The following CALR variants were observed in gnomAD, a reference collection of about 807,000 sequenced individuals.
The protein encoded by CALR is CRP55.
Under a neutral mutation model 51.1 loss-of-function variants are expected in CALR, and 15 were observed. The ratio of observed to expected loss-of-function variants is 0.29; its 90% confidence interval spans 0.20 to 0.45. The LOEUF (loss-of-function observed/expected upper bound fraction) is 0.45, where lower values mean the gene tolerates loss of function less well. CALR is among the 20% of genes least tolerant of loss of function. The probability of loss-of-function intolerance (pLI) is 1.00; values close to 1 mark genes in which losing one functional copy is unlikely to be tolerated. For synonymous variants in CALR, 239 were observed against 205.9 expected (o/e 1.16, Z -1.38); for missense variants, 477 against 530.6 (o/e 0.90, Z 0.99).
rs1971535802 is a variant in CALR at position 12,940,825 on chromosome 19, T to G, written c.898T>G (p.Ser300Ala). The G allele has an allele frequency of 6.2e-7, 1 of 1,614,030 alleles. No individual in the cohort carries two copies. The highest frequency in any genetic ancestry group is 8.5e-7 in the Non-Finnish European group (1 of 1,179,994). The change falls in exon 7 of 9, where the codon TCT becomes GCT. Residue 300 changes from serine (S) to alanine (A), a missense_variant. Ser to Ala is a moderately conservative substitution (Grantham distance 99, BLOSUM62 1). Transcript: ENST00000316448. The part of the protein sequence containing the change: ...IHPEIDNPEY[S>A]PDPSIYAYDN... The stretch of plus-strand genomic sequence containing the variant: ...CCCAGAAATTGACAACCCCGAGTAT[T>G]CTCCCGATCCCAGTATCTATGCCTA...
At position 12,940,575 on chromosome 19, in the gene CALR, A is replaced by C; in HGVS notation, c.737A>C (p.Asp246Ala). ...WDKPEHIPDP[D>A]AKKPEDWDEE... ...AAGCCCGAGCATATCCCTGACCCTG[A>C]TGCTAAGAAGCCCGAGGACTGGGAT... Residue 246 changes from aspartate (D) to alanine (A), a missense_variant, in exon 6 of 9, where the codon GAT becomes GCT. Asp to Ala is a moderately radical substitution (Grantham distance 126, BLOSUM62 -2). Transcript: ENST00000316448. The C allele has an allele frequency of 6.2e-7, 1 of 1,614,174 alleles. No individual in the cohort carries two copies. Among genetic ancestry groups the C allele is most frequent in the Non-Finnish European group, 8.5e-7 (1 of 1,180,018 alleles).
intron 7 of CALR, among the ~76,000 whole-genome samples, chr19:12,941,708 C>T (rs1251455349): frequency 1.3e-5 from 2 of 151,622 alleles, no homozygotes; most frequent in Non-Finnish European, 2.9e-5. Flanking sequence ...TGGTCTCCAT[C>T]TCCTGACCTC....
chr19:12,938,754 G>A lies in CALR; in HGVS notation c.75G>A (p.Glu25=), dbSNP rs1313590281. Residue 25 remains glutamate, a synonymous_variant, in exon 1 of 9, where the codon GAG becomes GAA. Transcript: ENST00000316448. ...CCGAGCCTGCCGTCTACTTCAAGGA[G>A]CAGTTTCTGGACGGAGGTAACGCCT... The part of the protein sequence containing the change: ...AVAEPAVYFK[E]QFLDGDGWTS... 3.7e-6 allele frequency: 6 copies of A among 1,611,036 alleles called. No homozygotes were observed. The highest frequency in any genetic ancestry group is 5.1e-6 in the Non-Finnish European group (6 of 1,179,056).
At chr19:12,941,630 C>T (rs1027943625) in intron 7 of CALR, among the ~76,000 whole-genome samples, 1 of 151,916 alleles carries the variant, frequency 6.6e-6, no homozygotes, top group African/African-American at 2.4e-5. Flanking sequence ...GCACCCCCCA[C>T]CATGCCTGGC....
In CALR at chr19:12,941,029, C is replaced by T. The variant is rs1395862667; in HGVS notation, c.960+142C>T. 8 of 788,096 alleles carry T rather than the reference C, an allele frequency of 1.0e-5. No individual in the cohort carries two copies. In the Middle Eastern group the frequency reaches 1.4e-3, roughly 134 times the overall value. The allele number at this position is 788,096 out of a possible 1,614,324, so 48.8% of individuals were successfully genotyped here. ...TGTAAACAGTACTTCCTGGTCTGTC[C>T]CTGTGAAGTCCTCACAGCAACCCCT... On this transcript the variant is annotated intron_variant, in intron 7 of 8. Transcript: ENST00000316448.
chr19:12,939,329 A>AG, intron 2 of CALR, 94 bp downstream of exon 2: 4 of 1,447,388 alleles, frequency 2.8e-6, no homozygotes, highest in Non-Finnish European at 2.9e-6. Context: ...CCCTTGGAGG[A>AG]GGACAGGTGG....
At position 12,938,634 on chromosome 19, in the gene CALR, A is replaced by G. The variant is rs1034371074; in HGVS notation, c.-46A>G. 3.4e-5 allele frequency: 49 copies of G among 1,442,270 alleles called. 1 individual carries two copies. Among genetic ancestry groups the G allele is most frequent in the South Asian group, 1.1e-4 (9 of 84,006 alleles). The allele number at this position is 1,442,270 out of a possible 1,614,324, so 89.3% of individuals were successfully genotyped here. On this transcript the variant is annotated 5_prime_UTR_variant, in exon 1 of 9. Transcript: ENST00000316448. The stretch of plus-strand genomic sequence containing the variant: ...GTCCGTACTGCAGAGCCGCTGCCGG[A>G]GGGTCGTTTTAAAGGGCCCGCGCGT...
Position 12,940,063 on chromosome 19 carries a change from C to A in CALR, c.408C>A (p.Ile136=). ...CTGCTTCACACCTAGGTCCCGACAT[C>A]TGTGGCCCTGGCACCAAGAAGGTTC... The part of the protein sequence containing the change: ...SEYNIMFGPD[I]CGPGTKKVHV... The change falls in exon 4 of 9, where the codon ATC becomes ATA. Residue 136 remains isoleucine, a synonymous_variant. Transcript: ENST00000316448. 2.5e-6 allele frequency: 4 copies of A among 1,613,508 alleles called. No individual in the cohort carries two copies. Among genetic ancestry groups the A allele is most frequent in the Non-Finnish European group, 3.4e-6 (4 of 1,179,424 alleles).
Position 12,943,905 on chromosome 19 carries a change from G to A in CALR, c.1246G>A (p.Glu416Lys), listed in dbSNP as rs769424711. ...AGATGTCCCCGGCCAGGCCAAGGAC[G>A]AGCTGTAGAGAGGCCTGCCTCCAGG... ...EEDVPGQAKD[E>K]L The change falls in exon 9 of 9, where the codon GAG becomes AAG. Residue 416 changes from glutamate to lysine, a missense_variant. Physicochemically the swap from Glu to Lys is moderately conservative, Grantham distance 56. Coordinates refer to ENST00000316448, the MANE Select transcript of CALR (RefSeq NM_004343.4). 2 of 1,601,374 alleles carry A rather than the reference G, an allele frequency of 1.2e-6. No individual in the cohort carries two copies. The highest frequency in any genetic ancestry group is 1.3e-5 in the African/African-American group (1 of 74,730).
At chr19:12,938,888 A>G (rs958953477) in intron 1 of CALR, 118 bp downstream of exon 1, 2 of 864,996 alleles carry the variant, frequency 2.3e-6, no homozygotes, top group African/African-American at 1.7e-5. Flanking sequence ...TCCCGGGACT[A>G]GAGCCGCGGG....
At chr19:12,938,797 G>T (rs749459501) in intron 1 of CALR, 27 bp downstream of exon 1, 6 of 1,544,298 alleles carry the variant, frequency 3.9e-6, no homozygotes, top group Non-Finnish European at 5.3e-6. Context: ...CCTCGAGGCC[G>T]CCCCGACGAC....
At chr19:12,942,677 C>T (rs369417214) in intron 7 of CALR, among the ~76,000 whole-genome samples, 59 of 151,132 alleles carry the variant, frequency 3.9e-4, no homozygotes, top group Admixed American at 1.2e-3. Context: ...TCACTGCAGC[C>T]TCTGCCTTCC....
Position 12,943,759 on chromosome 19 carries a change from T to G in CALR, c.1100T>G (p.Leu367Arg). Residue 367 changes from leucine (L) to arginine (R), a missense_variant, in exon 9 of 9, where the codon CTT becomes CGT. Leu to Arg is a moderately radical substitution (Grantham distance 102). Transcript: ENST00000316448. ...MKDKQDEEQR[L>R]KEEEEDKKRK... ...GACAAACAGGACGAGGAGCAGAGGC[T>G]TAAGGAGGAGGAAGAAGACAAGAAA... The G allele has an allele frequency of 1.9e-6, 3 of 1,609,760 alleles. No homozygotes were observed. The highest frequency in any genetic ancestry group is 2.5e-6 in the Non-Finnish European group (3 of 1,177,970).
chr19:12,939,419 C>G lies in CALR; in HGVS notation c.194-9C>G. 6.2e-7 allele frequency: 1 copy of G among 1,612,190 alleles called. No homozygotes were observed. Among genetic ancestry groups the G allele is most frequent in the Non-Finnish European group, 8.5e-7 (1 of 1,179,884 alleles). ...GCCCAACGGTGACCTCACTACCGTC[C>G]CGTCTCAGGTTTGCAGACAAGCCAG... is the stretch of plus-strand genomic sequence containing the variant. On this transcript the variant is annotated splice_polypyrimidine_tract_variant and intron_variant, in intron 2 of 8. Transcript: ENST00000316448.
chr19:12,940,990 A>C (rs1425851791), intron 7 of CALR, 103 bp downstream of exon 7: 3 of 1,083,398 alleles, frequency 2.8e-6, no homozygotes, highest in Admixed American at 3.4e-5. Context: ...GTCTGACTCA[A>C]AAATGGTACT....
At position 12,943,701 on chromosome 19, in the gene CALR, C is replaced by T. The variant is rs1971580537; in HGVS notation, c.1054-12C>T. On this transcript the variant is annotated splice_polypyrimidine_tract_variant and intron_variant, in intron 8 of 8. Transcript: ENST00000316448. ...AGGGGGCAAGGCCCTGAGGTGTGTG[C>T]TCTGCCTGCAGGCAGCAGAGAAACA... The T allele has an allele frequency of 6.2e-7, 1 of 1,614,086 alleles. No individual in the cohort carries two copies.
At chr19:12,939,400 C>G (rs777716799) in intron 2 of CALR, 28 bp from the exon 3 acceptor site, 1 of 1,609,304 alleles carries the variant, frequency 6.2e-7, no homozygotes, top group Non-Finnish European at 8.5e-7. Context: ...CAAGGCCCAA[C>G]GGTGACCTCA....
At chr19:12,943,077 CTTT>C (rs56396276) in intron 7 of CALR, 27 of 77,386 alleles carry the variant, frequency 3.5e-4, no homozygotes, top group South Asian at 5.6e-4. Context: ...ATCTTTCCAT[CTTT>C]TTTTTTTTTT....
intron 7 of CALR, 35 bp from the exon 8 acceptor site, chr19:12,943,502 A>C: frequency 6.3e-7 from 1 of 1,585,890 alleles, no homozygotes. Context: ...GCTATCGGGT[A>C]TCACCTCTGA....
Sources: allele counts gnomAD v4.1 joint callset (sites outside exome capture counted in the v4.1 genomes callset), GRCh38; gene constraint gnomAD v4.1.1; transcripts MANE v1.5; gene names NCBI Gene and HGNC (gene_info 2026-07-23, HGNC 2026-07-21).